The following HLCS variants were observed in gnomAD, a reference collection of about 807,000 sequenced individuals.
The protein encoded by HLCS is biotin--protein ligase.
HLCS carries 53 observed loss-of-function variants against 75.0 expected under a neutral mutation model. That is an observed-to-expected ratio of 0.71 (90% CI 0.57 to 0.89). The LOEUF is 0.89. Among genes scored for constraint, HLCS ranks in the 40% least tolerant of loss-of-function variants. HLCS has a pLI of 0.00. For synonymous variants in HLCS, 431 were observed against 428.6 expected (o/e 1.01, Z -0.07); for missense variants, 966 against 1,074.0 (o/e 0.90, Z 1.41).
chr21:36,875,860 G>A (rs1226992076), intron 6 of HLCS, among the ~76,000 whole-genome samples: 1 of 151,886 alleles, frequency 6.6e-6, no homozygotes, highest in Admixed American at 6.6e-5. Flanking sequence ...GCTCTTCGGG[G>A]AGCCAGACCT....
chr21:36,923,235 T>G (rs2850118), intron 5 of HLCS, among the ~76,000 whole-genome samples: 1 of 151,936 alleles, frequency 6.6e-6, no homozygotes, highest in East Asian at 1.9e-4. Flanking sequence ...CCGACTTCCC[T>G]GGGAGGTGAG....
intron 5 of HLCS, among the ~76,000 whole-genome samples, chr21:36,922,960 T>C (rs2066238964): frequency 6.6e-6 from 1 of 152,176 alleles, no homozygotes; most frequent in African/African-American, 2.4e-5. Context: ...GGGATTCGGG[T>C]CTCAGACCCC....
chr21:36,846,647 G>A (rs1384426601), intron 6 of HLCS, among the ~76,000 whole-genome samples: 1 of 152,154 alleles, frequency 6.6e-6, no homozygotes, highest in Non-Finnish European at 1.5e-5. Flanking sequence ...TCAGAACAAA[G>A]AAAATTCTGA....
chr21:36,814,408 A>G (rs1192595992), intron 6 of HLCS, among the ~76,000 whole-genome samples: 1 of 152,248 alleles, frequency 6.6e-6, no homozygotes, highest in Admixed American at 6.5e-5. Flanking sequence ...CAGATAAACA[A>G]CAGATAATTT....
chr21:36,946,519 G>A (rs1202977357), intron 2 of HLCS, among the ~76,000 whole-genome samples: 35 of 152,098 alleles, frequency 2.3e-4, no homozygotes, highest in Non-Finnish European at 8.8e-5. Flanking sequence ...TGGGATTACA[G>A]GTGTGAGCCA....
chr21:36,887,888 T>C (rs2064541389), intron 6 of HLCS, among the ~76,000 whole-genome samples: 1 of 152,182 alleles, frequency 6.6e-6, no homozygotes, highest in African/African-American at 2.4e-5. Flanking sequence ...AATAACACAA[T>C]ACAGGCATTA....
At chr21:36,924,556 A>AT (rs1440906208) in intron 5 of HLCS, among the ~76,000 whole-genome samples, 1 of 152,196 alleles carries the variant, frequency 6.6e-6, no homozygotes, top group Non-Finnish European at 1.5e-5. Context: ...GCAAGACTCC[A>AT]TCTCAAAAAG....
intron 6 of HLCS, among the ~76,000 whole-genome samples, chr21:36,893,206 G>T (rs558952897): frequency 6.6e-6 from 1 of 152,214 alleles, no homozygotes; most frequent in South Asian, 2.1e-4. Context: ...GAGTAGCTGG[G>T]ATTACAGGAG....
chr21:36,934,573 G>T (rs1026555096), intron 4 of HLCS, among the ~76,000 whole-genome samples: 5 of 152,196 alleles, frequency 3.3e-5, no homozygotes, highest in African/African-American at 1.2e-4. Context: ...CTGCAAACTT[G>T]ATCAGTACAG....
At chr21:36,782,040 A>G (rs1262925741) in intron 6 of HLCS, among the ~76,000 whole-genome samples, 1 of 152,110 alleles carries the variant, frequency 6.6e-6, no homozygotes, top group Non-Finnish European at 1.5e-5. Flanking sequence ...AAAAAAAATC[A>G]CATTTGTCTT....
chr21:36,950,381 T>A lies in HLCS; in HGVS notation c.331-11387A>T, dbSNP rs77408569. ...TAAGACACGCTCAAGACAGACAAAATAAGTGGAACATACGTGCATTGAACA... is the reference window on the plus strand; with the variant it reads ...TAAGACACGCTCAAGACAGACAAAAAAAGTGGAACATACGTGCATTGAACA... On this transcript the variant is annotated intron_variant, in intron 2 of 10. Coordinates refer to ENST00000674895, the MANE Select transcript of HLCS (RefSeq NM_001352514.2). Among the ~76,000 whole-genome samples, 513 of 151,848 alleles carry A rather than the reference T, an allele frequency of 3.4e-3. 1 individual carries two copies. The highest frequency in any genetic ancestry group is 0.011 in the African/African-American group (450 of 41,388).
intron 8 of HLCS, among the ~76,000 whole-genome samples, chr21:36,762,403 T>A (rs2089882102): frequency 6.6e-6 from 1 of 152,060 alleles, no homozygotes; most frequent in Admixed American, 6.5e-5. Flanking sequence ...GGGGACTTCA[T>A]GGACAGAAGA....
intron 6 of HLCS, among the ~76,000 whole-genome samples, chr21:36,872,960 A>G (rs1759437336): frequency 6.6e-6 from 1 of 152,084 alleles, no homozygotes; most frequent in Non-Finnish European, 1.5e-5. Flanking sequence ...CAGAAATTGC[A>G]GTTCCTCTAC....
intron 5 of HLCS, among the ~76,000 whole-genome samples, chr21:36,925,089 G>C (rs1334070850): frequency 6.6e-6 from 1 of 152,070 alleles, no homozygotes; most frequent in Non-Finnish European, 1.5e-5. Context: ...TTTTATGGGG[G>C]GAAAAAGTTT....
Position 36,966,425 on chromosome 21 carries a change from G to GGCGGCC in HLCS, c.195+18_195+19insGGCCGC. 5.1e-6 allele frequency: 1 copy of GGCGGCC among 195,440 alleles called. No homozygotes were observed. The highest frequency in any genetic ancestry group is 8.6e-6 in the Non-Finnish European group (1 of 116,692). 12.1% of individuals were successfully genotyped at this position (195,440 alleles called of 1,614,324 possible). A position where few individuals can be genotyped will look rare whatever the true frequency, so the allele number is the denominator to read the frequency against. ...CCGGCTCGCGGGGCCCGGGTCGCCC[G>GGCGGCC]CCCGCCCGACCCGCCCACCTGGCTG... is the stretch of plus-strand genomic sequence containing the variant. On this transcript the variant is annotated intron_variant, in intron 1 of 10. Transcript: ENST00000674895.
At chr21:36,761,555 T>C (rs1010181231) in intron 8 of HLCS, among the ~76,000 whole-genome samples, 9 of 152,096 alleles carry the variant, frequency 5.9e-5, no homozygotes, top group African/African-American at 2.2e-4. Context: ...GATTTGGCGA[T>C]ACTGGGAGAC....
chr21:36,978,089 C>T (rs2068992531), intron 1 of HLCS, among the ~76,000 whole-genome samples: 1 of 152,210 alleles, frequency 6.6e-6, no homozygotes, highest in African/African-American at 2.4e-5. Flanking sequence ...GAAATCCCAA[C>T]CACTTGAAGT....
upstream of HLCS, among the ~76,000 whole-genome samples, chr21:36,969,004 A>G (rs2068714074): frequency 6.6e-6 from 1 of 152,192 alleles, no homozygotes; most frequent in Non-Finnish European, 1.5e-5. Context: ...TTTGGGGTCA[A>G]TCCTGTATAC....
At chr21:36,976,447 G>T (rs1276170181) in intron 1 of HLCS, among the ~76,000 whole-genome samples, 2 of 152,086 alleles carry the variant, frequency 1.3e-5, no homozygotes, top group African/African-American at 2.4e-5. Context: ...AGCTGGGCGT[G>T]GTGGTGTGCA....
Sources: gnomAD v4.1 joint callset for allele counts (sites outside exome capture counted in the v4.1 genomes callset) on GRCh38, gnomAD v4.1.1 for gene constraint, MANE v1.5 for transcripts, NCBI Gene and HGNC (gene_info 2026-07-23, HGNC 2026-07-21) for gene names.